The following SMAP1 variants were observed in gnomAD, a reference collection of about 807,000 sequenced individuals.
The protein encoded by SMAP1 is small ArfGAP 1.
Under a neutral mutation model 58.5 loss-of-function variants are expected in SMAP1, and 24 were observed. The observed-to-expected ratio is 0.41, with a 90% CI of 0.30 to 0.58. The LOEUF (loss-of-function observed/expected upper bound fraction) is 0.58, where lower values mean the gene tolerates loss of function less well. Among genes scored for constraint, SMAP1 ranks in the 20% least tolerant of loss-of-function variants. SMAP1 has a pLI of 0.29. For synonymous variants in SMAP1, 216 were observed against 196.6 expected, an observed-to-expected ratio of 1.10 and a Z score of -0.82; for missense variants, 563 against 566.3, an observed-to-expected ratio of 0.99 and a Z score of 0.06.
At chr6:70,684,139 A>C (rs1443200692) in intron 1 of SMAP1, among the ~76,000 whole-genome samples, 1 of 152,232 alleles carries the variant, frequency 6.6e-6, no homozygotes, top group Non-Finnish European at 1.5e-5. Flanking sequence ...ATTTATTCAA[A>C]CATAAATTTG....
intron 1 of SMAP1, among the ~76,000 whole-genome samples, chr6:70,690,489 A>G (rs182646285): frequency 6.1e-4 from 92 of 151,904 alleles, no homozygotes; most frequent in African/African-American, 2.0e-3. Flanking sequence ...TATTTTTAGT[A>G]GAGATGGGGT....
At chr6:70,798,590 A>T (rs1768708167) in intron 5 of SMAP1, 67 bp from the exon 6 acceptor site, 1 of 1,215,346 alleles carries the variant, frequency 8.2e-7, no homozygotes, top group Admixed American at 2.7e-5. Flanking sequence ...TCAAACTAAT[A>T]AGGATGAGTC....
rs1421775085 is a variant in SMAP1, at chr6:70,798,644, G to T, written c.496-13G>T. ...AAAAAGTAAACTTATCAAAACTTTGGGCTGTGTTTTAGAAAGAAAAGGAAA... is the reference window on the plus strand; with the variant it reads ...AAAAAGTAAACTTATCAAAACTTTGTGCTGTGTTTTAGAAAGAAAAGGAAA... On this transcript the variant is annotated splice_polypyrimidine_tract_variant and intron_variant, in intron 5 of 10. Coordinates refer to ENST00000370455, the MANE Select transcript of SMAP1 (RefSeq NM_001044305.3). The T allele has an allele frequency of 3.3e-6, 5 of 1,493,428 alleles. No individual in the cohort carries two copies. Among genetic ancestry groups the T allele is most frequent in the Admixed American group, 2.5e-5 (1 of 40,084 alleles). The allele number at this position is 1,493,428 out of a possible 1,614,324, so 92.5% of individuals were successfully genotyped here.
chr6:70,839,230 A>G (rs765582972), intron 7 of SMAP1, among the ~76,000 whole-genome samples: 6 of 152,176 alleles, frequency 3.9e-5, no homozygotes, highest in Non-Finnish European at 7.4e-5. Flanking sequence ...TGATTATTGC[A>G]GGGCACTTTT....
intron 10 of SMAP1, chr6:70,859,025 C>T (rs1771572779): frequency 4.8e-6 from 1 of 209,562 alleles, no homozygotes; most frequent in African/African-American, 2.3e-5. Context: ...TTTACACTTC[C>T]CATTGATGTT....
At chr6:70,689,039 ACC>A (rs1211734252) in intron 1 of SMAP1, among the ~76,000 whole-genome samples, 3 of 152,042 alleles carry the variant, frequency 2.0e-5, no homozygotes, top group Non-Finnish European at 4.4e-5. Flanking sequence ...TTACTCTGTC[ACC>A]CAGGCTGGAA....
intron 6 of SMAP1, among the ~76,000 whole-genome samples, chr6:70,814,805 T>C (rs111898023): frequency 5.7e-4 from 87 of 152,276 alleles, no homozygotes; most frequent in African/African-American, 2.0e-3. Flanking sequence ...TGGTGGTAGA[T>C]TAAATGTTAC....
chr6:70,861,760 A>G lies in SMAP1; in HGVS notation c.*1426A>G, dbSNP rs1266639003. ...GTGCCACACGAGAACCTGAAGGGGA[A>G]GGAAATAGCTTGGGTAGCGCACTCT... On this transcript the variant is annotated 3_prime_UTR_variant, in exon 11 of 11. Coordinates refer to ENST00000370455, the MANE Select transcript of SMAP1 (RefSeq NM_001044305.3). 4.3e-6 allele frequency: 7 copies of G among 1,613,978 alleles called. No individual in the cohort carries two copies. The highest frequency in any genetic ancestry group is 5.9e-6 in the Non-Finnish European group (7 of 1,179,972).
intron 6 of SMAP1, among the ~76,000 whole-genome samples, chr6:70,829,930 G>C (rs1046509042): frequency 6.6e-6 from 1 of 152,184 alleles, no homozygotes; most frequent in Non-Finnish European, 1.5e-5. Flanking sequence ...AAATGTAGGA[G>C]TTGGGACCTA....
At chr6:70,798,549 C>T in intron 5 of SMAP1, 108 bp from the exon 6 acceptor site, 1 of 770,256 alleles carries the variant, frequency 1.3e-6, no homozygotes, top group South Asian at 2.2e-5. Flanking sequence ...ATTGTAATTA[C>T]TGAATATTTC....
chr6:70,689,062 C>T (rs544860819), intron 1 of SMAP1, among the ~76,000 whole-genome samples: 2 of 151,946 alleles, frequency 1.3e-5, no homozygotes, highest in African/African-American at 4.8e-5. Flanking sequence ...TGCAGTGGTG[C>T]GATCTGGGCT....
At chr6:70,814,817 A>G (rs888598349) in intron 6 of SMAP1, among the ~76,000 whole-genome samples, 2 of 152,132 alleles carry the variant, frequency 1.3e-5, no homozygotes, top group Admixed American at 6.6e-5. Context: ...AAATGTTACC[A>G]CCGTTTTACA....
intron 4 of SMAP1, among the ~76,000 whole-genome samples, chr6:70,775,046 A>G (rs1196158242): frequency 6.6e-6 from 1 of 151,894 alleles, no homozygotes; most frequent in East Asian, 1.9e-4. Context: ...AAGTATCATT[A>G]GTGTGTATTT....
At chr6:70,718,632 C>T (rs1768376738) in intron 1 of SMAP1, among the ~76,000 whole-genome samples, 1 of 151,874 alleles carries the variant, frequency 6.6e-6, no homozygotes, top group Non-Finnish European at 1.5e-5. Flanking sequence ...CCAGCCTGGC[C>T]AACATGATCC....
chr6:70,808,121 A>G (rs970930551), intron 6 of SMAP1, among the ~76,000 whole-genome samples: 2 of 152,146 alleles, frequency 1.3e-5, no homozygotes, highest in African/African-American at 2.4e-5. Flanking sequence ...CTGAGGGGGA[A>G]GAAGAAGAGG....
At chr6:70,792,702 T>C (rs981522792) in intron 5 of SMAP1, among the ~76,000 whole-genome samples, 1 of 152,050 alleles carries the variant, frequency 6.6e-6, no homozygotes, top group Non-Finnish European at 1.5e-5. Context: ...TTTGGGGAGT[T>C]GCAAGTAGAA....
At chr6:70,719,027 T>C (rs1768399239) in intron 1 of SMAP1, among the ~76,000 whole-genome samples, 1 of 152,136 alleles carries the variant, frequency 6.6e-6, no homozygotes, top group African/African-American at 2.4e-5. Flanking sequence ...ATATAATCAG[T>C]GGAATTGCAT....
chr6:70,861,564 A>AAAAC lies in SMAP1; in HGVS notation c.*1237_*1240dup. 3.6e-6 allele frequency: 4 copies of AAAAC among 1,124,462 alleles called. No individual in the cohort carries two copies. Among genetic ancestry groups the AAAAC allele is most frequent in the Non-Finnish European group, 3.9e-6 (3 of 767,696 alleles). The allele number at this position is 1,124,462 out of a possible 1,614,324, so 69.7% of individuals were successfully genotyped here. A position where few individuals can be genotyped will look rare whatever the true frequency, so the allele number is the denominator to read the frequency against. ...ACAAGAAAGGCTGCTGTACTGAAGT[A>AAAAC]AAACAAACAATACCTGAATGCTCTG... On this transcript the variant is annotated 3_prime_UTR_variant, in exon 11 of 11. Transcript: ENST00000370455.
chr6:70,722,044 A>G (rs1406361195), intron 1 of SMAP1, among the ~76,000 whole-genome samples: 3 of 152,234 alleles, frequency 2.0e-5, no homozygotes, highest in Non-Finnish European at 4.4e-5. Flanking sequence ...TCAGGAAATT[A>G]TCATTGATAT....
Sources: allele counts gnomAD v4.1 joint callset (sites outside exome capture counted in the v4.1 genomes callset), GRCh38; gene constraint gnomAD v4.1.1; transcripts MANE v1.5; gene names NCBI Gene and HGNC (gene_info 2026-07-23, HGNC 2026-07-21).